PITPNC1: variants seen among roughly 807,000 people sequenced by gnomAD.
PITPNC1 encodes the protein cytoplasmic phosphatidylinositol transfer protein 1.
Under a neutral mutation model 44.7 loss-of-function variants are expected in PITPNC1, and 18 were observed. The observed-to-expected ratio is 0.40, with a 90% confidence interval of 0.28 to 0.60. The LOEUF (loss-of-function observed/expected upper bound fraction) is 0.60, where lower values mean the gene tolerates loss of function less well. Ranked by LOEUF, PITPNC1 falls within the 20% of genes least tolerant of loss-of-function variation. The pLI is 0.39. For synonymous variants in PITPNC1, 141 were observed against 149.6 expected (o/e 0.94, Z 0.42); for missense variants, 290 against 418.4 (o/e 0.69, Z 2.68).
At chr17:67,438,098 GAAAAGAA>G (rs2038961966) in intron 1 of PITPNC1, among the ~76,000 whole-genome samples, 1 of 151,838 alleles carries the variant, frequency 6.6e-6, no homozygotes, top group Non-Finnish European at 1.5e-5. Flanking sequence ...AAAAAGAAGA[GAAAAGAA>G]AAAAGAAAAA....
At chr17:67,506,823 T>C (rs2040109597) in intron 1 of PITPNC1, among the ~76,000 whole-genome samples, 1 of 152,160 alleles carries the variant, frequency 6.6e-6, no homozygotes, top group African/African-American at 2.4e-5. Context: ...AAAAAGCACA[T>C]TTCAAAGTAA....
chr17:67,427,707 C>T (rs901176334), intron 1 of PITPNC1, among the ~76,000 whole-genome samples: 1 of 152,134 alleles, frequency 6.6e-6, no homozygotes, highest in African/African-American at 2.4e-5. Context: ...AAAAATAAAC[C>T]ATATTTAACA....
chr17:67,628,199 A>G (rs2041918909), intron 5 of PITPNC1, among the ~76,000 whole-genome samples: 1 of 152,014 alleles, frequency 6.6e-6, no homozygotes, highest in Non-Finnish European at 1.5e-5. Context: ...CACTGCGGCC[A>G]GCTGACAGCC....
At chr17:67,425,674 A>G (rs1300400320) in intron 1 of PITPNC1, among the ~76,000 whole-genome samples, 2 of 148,194 alleles carry the variant, frequency 1.3e-5, no homozygotes, top group African/African-American at 5.0e-5. Flanking sequence ...GGCACACACC[A>G]CCACGCTTGG....
rs1357367616 is a variant in PITPNC1, at chr17:67,451,629, C to CT, written c.48+73439dup. 2.0e-3 allele frequency among the ~76,000 whole-genome samples: 285 copies of CT among 143,360 alleles called. 2 individuals carry two copies. Among genetic ancestry groups the CT allele is most frequent in the East Asian group, 9.6e-3 (48 of 4,978 alleles). 94.0% of individuals were successfully genotyped at this position (143,360 alleles called of 152,430 possible). A position where few individuals can be genotyped will look rare whatever the true frequency, so the allele number is the denominator to read the frequency against. ...CAACATGTAGTCCTTTGAGACTGAC[C>CT]TTTTTTTTTTTTGTTTTGTTTTTTT... On this transcript the variant is annotated intron_variant, in intron 1 of 8. Transcript: ENST00000581322.
chr17:67,525,153 A>G (rs952111626), intron 1 of PITPNC1: 5 of 152,200 alleles, frequency 3.3e-5, no homozygotes, highest in African/African-American at 9.6e-5. Flanking sequence ...CAATCCCTCT[A>G]TTCCATGGGC....
chr17:67,688,037 TAA>T (rs67788348), intron 8 of PITPNC1, among the ~76,000 whole-genome samples: 9 of 137,586 alleles, frequency 6.5e-5, no homozygotes, highest in Non-Finnish European at 3.1e-5. Context: ...TAGTAGGTGT[TAA>T]AAAAAAAAAA....
intron 5 of PITPNC1, among the ~76,000 whole-genome samples, chr17:67,610,874 T>C (rs1268904735): frequency 1.3e-5 from 2 of 150,438 alleles, no homozygotes; most frequent in East Asian, 1.9e-4. Flanking sequence ...TGAGCCGAGA[T>C]TGCGCCACTG....
intron 1 of PITPNC1, among the ~76,000 whole-genome samples, chr17:67,532,361 T>C (rs1019949199): frequency 6.6e-6 from 1 of 152,072 alleles, no homozygotes; most frequent in African/African-American, 2.4e-5. Flanking sequence ...ATAGAAGAAA[T>C]AGATGATATC....
intron 6 of PITPNC1, among the ~76,000 whole-genome samples, chr17:67,635,176 G>C (rs772216925): frequency 3.3e-5 from 5 of 152,218 alleles, no homozygotes; most frequent in Non-Finnish European, 7.3e-5. Context: ...GACTGGAGAA[G>C]AACAGAGTCA....
chr17:67,384,647 G>C (rs995306089), intron 1 of PITPNC1, among the ~76,000 whole-genome samples: 1 of 151,962 alleles, frequency 6.6e-6, no homozygotes, highest in African/African-American at 2.4e-5. Flanking sequence ...GGATGGTCTC[G>C]ATCTCCTGAC....
intron 1 of PITPNC1, among the ~76,000 whole-genome samples, chr17:67,425,363 T>TA (rs1385520716): frequency 2.0e-5 from 3 of 151,770 alleles, no homozygotes. Flanking sequence ...ATTCAAGTCC[T>TA]AAACCCTTGC....
At chr17:67,381,937 C>G (rs1381411236) in intron 1 of PITPNC1, among the ~76,000 whole-genome samples, 2 of 152,142 alleles carry the variant, frequency 1.3e-5, no homozygotes, top group East Asian at 3.8e-4. Context: ...GCATTAGTGG[C>G]ACTGGTGTGT....
At chr17:67,518,617 A>G (rs537663846) in intron 1 of PITPNC1, among the ~76,000 whole-genome samples, 1 of 152,264 alleles carries the variant, frequency 6.6e-6, no homozygotes, top group South Asian at 2.1e-4. Flanking sequence ...TAATCATGTC[A>G]CACCTGTTAG....
intron 1 of PITPNC1, among the ~76,000 whole-genome samples, chr17:67,419,854 C>T (rs1397707016): frequency 6.6e-6 from 1 of 151,672 alleles, no homozygotes; most frequent in Non-Finnish European, 1.5e-5. Flanking sequence ...TGCAGTGAGC[C>T]GAGACTGTGC....
chr17:67,629,620 C>T (rs957557674), intron 5 of PITPNC1, among the ~76,000 whole-genome samples: 1 of 152,238 alleles, frequency 6.6e-6, no homozygotes, highest in African/African-American at 2.4e-5. Flanking sequence ...CTTCTCTTAG[C>T]TCATACTTAA....
chr17:67,428,344 A>G (rs2038802334), intron 1 of PITPNC1, among the ~76,000 whole-genome samples: 2 of 151,958 alleles, frequency 1.3e-5, no homozygotes, highest in African/African-American at 4.8e-5. Flanking sequence ...TTCGAGACCA[A>G]CTTGGGCAAC....
chr17:67,445,538 T>C (rs1337818198), intron 1 of PITPNC1, among the ~76,000 whole-genome samples: 12 of 143,564 alleles, frequency 8.4e-5, no homozygotes, highest in Non-Finnish European at 1.6e-4. Flanking sequence ...TCAATGTACT[T>C]TCCTTGTTAA....
intron 6 of PITPNC1, among the ~76,000 whole-genome samples, chr17:67,643,246 C>G (rs1050868588): frequency 6.6e-6 from 1 of 152,166 alleles, no homozygotes; most frequent in African/African-American, 2.4e-5. Flanking sequence ...ATTAGCTGGG[C>G]ATGGCGGCAC....
Sources: allele counts gnomAD v4.1 joint callset (sites outside exome capture counted in the v4.1 genomes callset), GRCh38; gene constraint gnomAD v4.1.1; transcripts MANE v1.5; gene names NCBI Gene and HGNC (gene_info 2026-07-23, HGNC 2026-07-21).